Variants in LRRTM4 observed in about 807,000 individuals in gnomAD.
LRRTM4 encodes the protein leucine-rich repeat transmembrane neuronal protein 4.
LRRTM4 carries 25 observed loss-of-function variants against 47.6 expected under a neutral mutation model. That is an observed-to-expected ratio of 0.53 (90% CI 0.38 to 0.73). LRRTM4 has a LOEUF of 0.73. Ranked by LOEUF, LRRTM4 falls within the 30% of genes least tolerant of loss-of-function variation. The pLI is 0.00. For missense variants in LRRTM4, 638 were observed against 713.4 expected, an observed-to-expected ratio of 0.89 and a Z score of 1.20; for synonymous variants, 311 against 269.5, an observed-to-expected ratio of 1.15 and a Z score of -1.51.
At chr2:77,048,930 CTTATCCACCCT>C (rs1679323357) in intron 3 of LRRTM4, among the ~76,000 whole-genome samples, 1 of 151,466 alleles carries the variant, frequency 6.6e-6, no homozygotes, top group East Asian at 2.0e-4. Flanking sequence ...TCCCCACTCT[CTTATCCACCCT>C]TTAATAACCA....
At chr2:76,750,057 A>T (rs189508872) in intron 3 of LRRTM4, among the ~76,000 whole-genome samples, 27 of 152,334 alleles carry the variant, frequency 1.8e-4, no homozygotes, top group Admixed American at 3.3e-4. Context: ...GGCTTTGCCA[A>T]TGGAGGGAGA....
intron 3 of LRRTM4, among the ~76,000 whole-genome samples, chr2:76,998,968 CAT>C (rs1305967885): frequency 1.3e-5 from 2 of 150,254 alleles, no homozygotes; most frequent in Non-Finnish European, 3.0e-5. Flanking sequence ...CTCGCCCTAA[CAT>C]GTGTTTCTTT....
chr2:77,134,828 T>C (rs1318346257), intron 3 of LRRTM4, among the ~76,000 whole-genome samples: 1 of 152,148 alleles, frequency 6.6e-6, no homozygotes, highest in Non-Finnish European at 1.5e-5. Flanking sequence ...AATCACAAAG[T>C]AAATTAAAAA....
chr2:77,076,215 C>A (rs1680332221), intron 3 of LRRTM4, among the ~76,000 whole-genome samples: 1 of 152,160 alleles, frequency 6.6e-6, no homozygotes, highest in African/African-American at 2.4e-5. Context: ...CTTAGCAGAA[C>A]TTACACTGTC....
At chr2:77,421,686 G>C (rs1475721512) in intron 3 of LRRTM4, among the ~76,000 whole-genome samples, 2 of 151,426 alleles carry the variant, frequency 1.3e-5, no homozygotes. Context: ...CAGCCTGGGC[G>C]GCAGAGGGAG....
chr2:76,845,428 G>A (rs1266113478), intron 3 of LRRTM4, among the ~76,000 whole-genome samples: 3 of 152,236 alleles, frequency 2.0e-5, no homozygotes, highest in Middle Eastern at 3.4e-3. Context: ...GGAGGCAGAG[G>A]TTGAAGTGAG....
intron 3 of LRRTM4, among the ~76,000 whole-genome samples, chr2:77,427,896 C>T (rs990896482): frequency 6.6e-6 from 1 of 152,204 alleles, no homozygotes; most frequent in Admixed American, 6.5e-5. Context: ...CATTTACCAA[C>T]TGATACGGTT....
At chr2:77,503,099 C>T (rs1344257) in intron 3 of LRRTM4, among the ~76,000 whole-genome samples, 7,139 of 150,926 alleles carry the variant, frequency 0.047, 335 homozygotes, top group Admixed American at 0.16. Flanking sequence ...TAGGACTCCA[C>T]TAAATTGCTT....
intron 3 of LRRTM4, among the ~76,000 whole-genome samples, chr2:76,925,878 T>G (rs1392716418): frequency 6.6e-6 from 1 of 152,156 alleles, no homozygotes; most frequent in Non-Finnish European, 1.5e-5. Context: ...GTATTTATAA[T>G]GAAAGCATCC....
intron 3 of LRRTM4, among the ~76,000 whole-genome samples, chr2:76,957,906 A>G (rs1177880513): frequency 6.6e-6 from 1 of 151,442 alleles, no homozygotes; most frequent in Non-Finnish European, 1.5e-5. Context: ...GTATACATAT[A>G]TGTGTTTGTG....
chr2:76,773,327 G>T (rs2104120317), intron 3 of LRRTM4, among the ~76,000 whole-genome samples: 1 of 152,260 alleles, frequency 6.6e-6, no homozygotes, highest in East Asian at 1.9e-4. Flanking sequence ...ACACTTTTCT[G>T]CCTTTGCTTC....
intron 3 of LRRTM4, among the ~76,000 whole-genome samples, chr2:77,300,996 T>C (rs1677121105): frequency 6.6e-6 from 1 of 152,120 alleles, no homozygotes; most frequent in African/African-American, 2.4e-5. Flanking sequence ...AGATGCACTT[T>C]TTTTCTTTTC....
chr2:77,172,097 T>C (rs1673064735), intron 3 of LRRTM4, among the ~76,000 whole-genome samples: 1 of 152,200 alleles, frequency 6.6e-6, no homozygotes, highest in African/African-American at 2.4e-5. Flanking sequence ...TTCCTTCTCT[T>C]ATACTTTCAA....
At chr2:76,781,260 T>A (rs1371583242) in intron 3 of LRRTM4, among the ~76,000 whole-genome samples, 1 of 152,252 alleles carries the variant, frequency 6.6e-6, no homozygotes, top group Non-Finnish European at 1.5e-5. Context: ...GCAGGCCTCC[T>A]TGAGCTGTGG....
At chr2:76,862,598 C>A (rs745688943) in intron 3 of LRRTM4, among the ~76,000 whole-genome samples, 3 of 152,046 alleles carry the variant, frequency 2.0e-5, no homozygotes, top group Non-Finnish European at 4.4e-5. Context: ...AAGAAGGTTG[C>A]GCTTTGAGGA....
intron 3 of LRRTM4, among the ~76,000 whole-genome samples, chr2:77,279,197 T>C (rs938258626): frequency 4.6e-5 from 7 of 152,068 alleles, no homozygotes; most frequent in Admixed American, 2.6e-4. Context: ...TTGGACAACT[T>C]CAATTATTAT....
intron 3 of LRRTM4, among the ~76,000 whole-genome samples, chr2:77,158,820 A>G (rs1672631218): frequency 6.6e-6 from 1 of 151,596 alleles, no homozygotes; most frequent in African/African-American, 2.4e-5. Context: ...ACTATACATT[A>G]TATTTCTATT....
At chr2:76,867,453 T>A (rs1454004358) in intron 3 of LRRTM4, among the ~76,000 whole-genome samples, 1 of 152,200 alleles carries the variant, frequency 6.6e-6, no homozygotes, top group African/African-American at 2.4e-5. Context: ...CATGGAAATA[T>A]CTTTGCTGTT....
At chr2:76,951,405 C>T (rs545387569) in intron 3 of LRRTM4, among the ~76,000 whole-genome samples, 17 of 151,776 alleles carry the variant, frequency 1.1e-4, no homozygotes, top group African/African-American at 3.4e-4. Flanking sequence ...AGATAATTAC[C>T]GTTAACCTAG....
Sources: gnomAD v4.1 joint callset for allele counts (sites outside exome capture counted in the v4.1 genomes callset) on GRCh38, gnomAD v4.1.1 for gene constraint, MANE v1.5 for transcripts, NCBI Gene and HGNC (gene_info 2026-07-23, HGNC 2026-07-21) for gene names.